The following SLC2A9 variants were observed in gnomAD, a reference collection of about 807,000 sequenced individuals.
SLC2A9 encodes the protein solute carrier family 2, facilitated glucose transporter member 9.
SLC2A9 carries 39 observed loss-of-function variants against 50.6 expected under a neutral mutation model. The observed-to-expected ratio is 0.77, with a 90% confidence interval of 0.60 to 1.01. SLC2A9 has a LOEUF of 1.01. Among genes scored for constraint, SLC2A9 ranks in the 50% least tolerant of loss-of-function variants. The pLI, the probability that SLC2A9 is intolerant of heterozygous loss-of-function variation, is 0.00. For synonymous variants in SLC2A9, 324 were observed against 276.9 expected (o/e 1.17, Z -1.69); for missense variants, 686 against 677.6 (o/e 1.01, Z -0.14).
At chr4:9,864,557 C>T (rs1732146150) in intron 10 of SLC2A9, among the ~76,000 whole-genome samples, 1 of 152,124 alleles carries the variant, frequency 6.6e-6, no homozygotes, top group Non-Finnish European at 1.5e-5. Context: ...AAACTCAGAC[C>T]CTGCAAACTG....
Position 10,021,362 on chromosome 4 carries a change from T to C in SLC2A9, c.68A>G (p.His23Arg). 1 of 1,614,224 alleles carries C rather than the reference T, an allele frequency of 6.2e-7. No homozygotes were observed. Among genetic ancestry groups the C allele is most frequent in the South Asian group, 1.1e-5 (1 of 91,088 alleles). Residue 23 changes from histidine (H) to arginine (R), a missense_variant, in exon 1 of 12, where the codon CAC (histidine) becomes CGC (arginine). Transcript: ENST00000264784. Reference protein sequence around the residue: ...GLVPLTDDTSHAGPPGPGRAL... With the variant: ...GLVPLTDDTSRAGPPGPGRAL... ...CCTCCCTGGCCCTGGAGGCCCGGCG[T>C]GGCTGGTGTCATCTGTGAGGGGAAC...
chr4:9,995,107 T>C (rs1758411294), intron 3 of SLC2A9, among the ~76,000 whole-genome samples: 1 of 152,158 alleles, frequency 6.6e-6, no homozygotes, highest in East Asian at 1.9e-4. Flanking sequence ...CAGTGCAAGC[T>C]AGCTAAGCTT....
intron 3 of SLC2A9, among the ~76,000 whole-genome samples, chr4:9,806,654 G>A (rs886492854): frequency 2.0e-5 from 3 of 152,170 alleles, no homozygotes; most frequent in African/African-American, 7.2e-5. Flanking sequence ...CCCTCCCCTT[G>A]GAATAAAGGC....
intron 1 of SLC2A9, among the ~76,000 whole-genome samples, chr4:10,031,815 C>T (rs1446456732): frequency 6.6e-6 from 1 of 152,186 alleles, no homozygotes; most frequent in Non-Finnish European, 1.5e-5. Flanking sequence ...TTCTTGATCC[C>T]AAGCACTGTA....
intron 2 of SLC2A9, among the ~76,000 whole-genome samples, chr4:10,010,153 A>G (rs1251849442): frequency 2.0e-5 from 3 of 152,166 alleles, no homozygotes; most frequent in Non-Finnish European, 4.4e-5. Context: ...ATTGAGTTCA[A>G]CCTTATGGCC....
intron 10 of SLC2A9, among the ~76,000 whole-genome samples, chr4:9,873,859 C>T (rs1733847940): frequency 6.6e-6 from 1 of 152,188 alleles, no homozygotes; most frequent in Admixed American, 6.5e-5. Context: ...GATACAAATT[C>T]CTTAGTGATC....
Position 9,913,081 on chromosome 4 carries a change from T to C in SLC2A9, c.1003-4736A>G, listed in dbSNP as rs148450134. On this transcript the variant is annotated intron_variant, in intron 7 of 11. Transcript: ENST00000264784. ...AAGGAAGTGGATGATCCCTCTGGAG[T>C]CTCCAGAAGGAATGTGGCCTTGCCA... Among the ~76,000 whole-genome samples the C allele has an allele frequency of 4.3e-3, 659 of 152,204 alleles. 3 individuals are homozygous for C. Among genetic ancestry groups the C allele is most frequent in the Middle Eastern group, 6.8e-3 (2 of 294 alleles).
downstream of SLC2A9, among the ~76,000 whole-genome samples, chr4:9,776,338 G>A (rs1160439159): frequency 1.3e-5 from 2 of 151,948 alleles, no homozygotes; most frequent in Non-Finnish European, 2.9e-5. Flanking sequence ...GCAGGTCTTG[G>A]TGCTGTGCGA....
chr4:9,987,721 G>A (rs778860349), intron 3 of SLC2A9, among the ~76,000 whole-genome samples: 3 of 152,000 alleles, frequency 2.0e-5, no homozygotes, highest in Admixed American at 6.6e-5. Context: ...CCAGCCTCTC[G>A]GGAGACTGGG....
At chr4:9,963,862 T>G (rs766737390) in intron 5 of SLC2A9, among the ~76,000 whole-genome samples, 23 of 152,334 alleles carry the variant, frequency 1.5e-4, no homozygotes, top group South Asian at 8.3e-4. Flanking sequence ...GGGAACCACC[T>G]GCTTCAAGAT....
chr4:9,801,341 G>A (rs1011616427), intron 3 of SLC2A9, among the ~76,000 whole-genome samples: 9 of 152,206 alleles, frequency 5.9e-5, no homozygotes, highest in African/African-American at 1.9e-4. Flanking sequence ...AAACTTACAA[G>A]CTAAATACAA....
intron 3 of SLC2A9, among the ~76,000 whole-genome samples, chr4:9,811,546 C>T (rs1229837650): frequency 6.6e-6 from 1 of 152,108 alleles, no homozygotes. Context: ...TCTAGCCATC[C>T]CAGTTGAGTC....
intron 2 of SLC2A9, among the ~76,000 whole-genome samples, chr4:10,012,632 T>C (rs1459850983): frequency 6.6e-6 from 1 of 152,112 alleles, no homozygotes; most frequent in African/African-American, 2.4e-5. Context: ...AAGACATTTC[T>C]GAGGAGGGGA....
intron 10 of SLC2A9, among the ~76,000 whole-genome samples, chr4:9,883,016 T>C (rs1013723809): frequency 6.6e-6 from 1 of 152,158 alleles, no homozygotes; most frequent in Non-Finnish European, 1.5e-5. Context: ...GAATATAAAA[T>C]GCAGAAAATA....
chr4:9,854,161 C>A (rs1387407635), intron 10 of SLC2A9, among the ~76,000 whole-genome samples: 1 of 151,932 alleles, frequency 6.6e-6, no homozygotes, highest in Non-Finnish European at 1.5e-5. Context: ...GAAATTGAGA[C>A]ACACACACAA....
intron 2 of SLC2A9, 51 bp downstream of exon 2, chr4:10,018,921 CGAA>C: frequency 1.3e-6 from 2 of 1,527,418 alleles, no homozygotes; most frequent in Non-Finnish European, 1.8e-6. Flanking sequence ...CTTGCGCACC[CGAA>C]GGTTTCCGCA....
intron 7 of SLC2A9, among the ~76,000 whole-genome samples, chr4:9,908,877 C>G (rs1741187919): frequency 6.6e-6 from 1 of 152,140 alleles, no homozygotes; most frequent in African/African-American, 2.4e-5. Context: ...AACTTTTCAT[C>G]AAGGAGGTCT....
At chr4:9,834,417 TTGAG>T (rs1726690822) in intron 11 of SLC2A9, among the ~76,000 whole-genome samples, 1 of 152,204 alleles carries the variant, frequency 6.6e-6, no homozygotes, top group Non-Finnish European at 1.5e-5. Flanking sequence ...TATCTGATTC[TTGAG>T]TATGTGGGCA....
chr4:10,003,171 C>A (rs949627801), intron 2 of SLC2A9, among the ~76,000 whole-genome samples: 2 of 152,192 alleles, frequency 1.3e-5, no homozygotes, highest in African/African-American at 4.8e-5. Context: ...TGTGCAAGGT[C>A]ACTCTTGCAC....
Sources: allele counts gnomAD v4.1 joint callset (sites outside exome capture counted in the v4.1 genomes callset), GRCh38; gene constraint gnomAD v4.1.1; transcripts MANE v1.5; gene names NCBI Gene and HGNC (gene_info 2026-07-23, HGNC 2026-07-21).